NRG3: variants seen among roughly 807,000 people sequenced by gnomAD.
The protein encoded by NRG3 is neuregulin 3, also known as pro-neuregulin-3, membrane-bound isoform.
A neutral mutation model predicts 66.9 loss-of-function variants in NRG3; 31 were observed. That is an observed-to-expected ratio of 0.46 (90% CI 0.35 to 0.63). The LOEUF (loss-of-function observed/expected upper bound fraction) is 0.63. NRG3 is among the 20% of genes least tolerant of loss of function. The probability of loss-of-function intolerance (pLI) is 0.00; values close to 1 mark genes in which losing one functional copy is unlikely to be tolerated. For missense variants in NRG3, 910 were observed against 878.9 expected (o/e 1.04, Z -0.45); for synonymous variants, 393 against 359.4 (o/e 1.09, Z -1.06).
intron 2 of NRG3, among the ~76,000 whole-genome samples, chr10:82,644,501 A>G (rs898295937): frequency 9.2e-5 from 14 of 152,262 alleles, no homozygotes; most frequent in Admixed American, 6.5e-4. Flanking sequence ...CTAAAATCAT[A>G]ACTCTCAAAA....
chr10:82,280,768 T>C (rs2079082270), intron 1 of NRG3, among the ~76,000 whole-genome samples: 2 of 152,166 alleles, frequency 1.3e-5, no homozygotes, highest in African/African-American at 4.8e-5. Context: ...GGCAATTACT[T>C]ATCTCTGTAT....
chr10:82,452,181 A>G (rs2091044238), intron 2 of NRG3, among the ~76,000 whole-genome samples: 1 of 152,200 alleles, frequency 6.6e-6, no homozygotes, highest in Non-Finnish European at 1.5e-5. Context: ...GCCTTGTTCT[A>G]TAAACTCATA....
chr10:82,056,574 A>C (rs950858288), intron 1 of NRG3, among the ~76,000 whole-genome samples: 1 of 152,208 alleles, frequency 6.6e-6, no homozygotes, highest in Non-Finnish European at 1.5e-5. Context: ...TGACAGGAAC[A>C]GTGTAGATGT....
chr10:82,379,371 T>C (rs958948480), intron 2 of NRG3, among the ~76,000 whole-genome samples: 1 of 152,044 alleles, frequency 6.6e-6, no homozygotes, highest in Non-Finnish European at 1.5e-5. Flanking sequence ...AGCAGCACTA[T>C]TTCAAAAGAA....
intron 2 of NRG3, among the ~76,000 whole-genome samples, chr10:82,547,621 A>G (rs953403014): frequency 1.3e-5 from 2 of 151,290 alleles, no homozygotes; most frequent in African/African-American, 2.4e-5. Context: ...ACATATACAT[A>G]TATGTGTGTG....
intron 2 of NRG3, among the ~76,000 whole-genome samples, chr10:82,393,838 G>A (rs1589968165): frequency 6.6e-6 from 1 of 152,176 alleles, no homozygotes; most frequent in African/African-American, 2.4e-5. Flanking sequence ...TCCACTTACT[G>A]TCCTGCTGGT....
intron 1 of NRG3, among the ~76,000 whole-genome samples, chr10:81,976,770 T>C (rs4933268): frequency 0.46 from 69,856 of 152,044 alleles, 20,243 homozygotes; most frequent in African/African-American, 0.78. Context: ...CTTTCTTGGA[T>C]GTGAGCTAAT....
rs2133285667 is a variant in NRG3, at chr10:82,066,625, C to G, written c.823+190462C>G. ...CTACAAGCACACAATATTTAAAATT[C>G]TATAAGATCCATGTCTGCTGAGTAC... On this transcript the variant is annotated intron_variant, in intron 1 of 8. Transcript: ENST00000372141. Among the ~76,000 whole-genome samples, 3 of 152,282 alleles carry G rather than the reference C, an allele frequency of 2.0e-5. No homozygotes were observed. In the South Asian group the frequency reaches 6.2e-4, roughly 32 times the overall value.
chr10:81,989,244 A>G (rs2060643306), intron 1 of NRG3, among the ~76,000 whole-genome samples: 1 of 152,166 alleles, frequency 6.6e-6, no homozygotes, highest in African/African-American at 2.4e-5. Context: ...GGAGATGCAC[A>G]TTAGAAAACT....
At chr10:82,590,140 T>G (rs1292658820) in intron 2 of NRG3, among the ~76,000 whole-genome samples, 1 of 152,180 alleles carries the variant, frequency 6.6e-6, no homozygotes, top group Non-Finnish European at 1.5e-5. Flanking sequence ...ATTGATGTCT[T>G]TGCCAGTCTG....
At chr10:82,221,549 G>C (rs981413912) in intron 1 of NRG3, among the ~76,000 whole-genome samples, 1 of 152,070 alleles carries the variant, frequency 6.6e-6, no homozygotes, top group Non-Finnish European at 1.5e-5. Context: ...GAAATTGAGA[G>C]ATGATTCCAC....
At chr10:82,239,141 A>C (rs1396975999) in intron 1 of NRG3, among the ~76,000 whole-genome samples, 1 of 151,916 alleles carries the variant, frequency 6.6e-6, no homozygotes, top group Non-Finnish European at 1.5e-5. Context: ...AAACAATTAA[A>C]TAGTTTAAAT....
chr10:82,926,271 A>G (rs1244776989), intron 4 of NRG3, among the ~76,000 whole-genome samples: 1 of 152,228 alleles, frequency 6.6e-6, no homozygotes, highest in Non-Finnish European at 1.5e-5. Context: ...GGATATGTGT[A>G]GGCTATAGGC....
At chr10:81,974,759 T>C (rs2060055928) in intron 1 of NRG3, among the ~76,000 whole-genome samples, 1 of 151,996 alleles carries the variant, frequency 6.6e-6, no homozygotes, top group Non-Finnish European at 1.5e-5. Flanking sequence ...ATTTGGAGGG[T>C]CAGTGGTCTC....
At chr10:82,242,828 T>C (rs2077064497) in intron 1 of NRG3, among the ~76,000 whole-genome samples, 1 of 152,196 alleles carries the variant, frequency 6.6e-6, no homozygotes, top group African/African-American at 2.4e-5. Context: ...TTCTGCCTTA[T>C]TTACAAATTT....
chr10:82,595,158 T>A (rs528803209), intron 2 of NRG3, among the ~76,000 whole-genome samples: 2 of 152,162 alleles, frequency 1.3e-5, no homozygotes, highest in Admixed American at 1.3e-4. Context: ...TATGCATAGA[T>A]GCTTTAGCTG....
At chr10:82,867,019 T>A (rs497176) in intron 4 of NRG3, among the ~76,000 whole-genome samples, 112,209 of 152,068 alleles carry the variant, frequency 0.74, 41,929 homozygotes, top group African/African-American at 0.86. Context: ...CCCATTAATA[T>A]GATAAACTAT....
intron 1 of NRG3, among the ~76,000 whole-genome samples, chr10:82,103,491 A>G (rs1253626634): frequency 1.3e-5 from 2 of 151,842 alleles, no homozygotes; most frequent in Non-Finnish European, 1.5e-5. Flanking sequence ...ATGTTTTAAA[A>G]CCTTTGTTAC....
At chr10:82,637,984 AT>A (rs1325483918) in intron 2 of NRG3, among the ~76,000 whole-genome samples, 50 of 152,212 alleles carry the variant, frequency 3.3e-4, no homozygotes, top group African/African-American at 1.1e-3. Flanking sequence ...TGGAGAATCA[AT>A]TTGGCAATTT....
Sources: allele counts gnomAD v4.1 joint callset (sites outside exome capture counted in the v4.1 genomes callset), GRCh38; gene constraint gnomAD v4.1.1; transcripts MANE v1.5; gene names NCBI Gene and HGNC (gene_info 2026-07-23, HGNC 2026-07-21).